ERBB3: variants seen among roughly 807,000 people sequenced by gnomAD.
The protein encoded by ERBB3 is erb-b2 receptor tyrosine kinase 3, also known as receptor tyrosine-protein kinase erbB-3.
Under a neutral mutation model 156.7 loss-of-function variants are expected in ERBB3, and 96 were observed. The observed-to-expected ratio is 0.61, with a 90% CI of 0.52 to 0.73. The LOEUF is 0.73. Among genes scored for constraint, ERBB3 ranks in the 30% least tolerant of loss-of-function variants. The pLI, the probability that ERBB3 is intolerant of heterozygous loss-of-function variation, is 0.00. For missense variants in ERBB3, 1,406 were observed against 1,709.4 expected (o/e 0.82, Z 3.13); for synonymous variants, 567 against 632.0 (o/e 0.90, Z 1.54).
Position 56,080,396 on chromosome 12 carries a change from G to A in ERBB3, c.82+14G>A. On this transcript the variant is annotated intron_variant, in intron 1 of 27. Transcript: ENST00000267101. ...ACTCTCAGGCAGGTAAGTGGCGCGAGAGCACCGGCGGGCTCGGCACCTGGG... is the reference window on the plus strand; with the variant it reads ...ACTCTCAGGCAGGTAAGTGGCGCGAAAGCACCGGCGGGCTCGGCACCTGGG... 1 of 1,579,706 alleles carries A rather than the reference G, an allele frequency of 6.3e-7. No homozygotes were observed. The highest frequency in any genetic ancestry group is 8.6e-7 in the Non-Finnish European group (1 of 1,160,772).
Position 56,101,380 on chromosome 12 carries a change from G to A in ERBB3, c.3502+19G>A, listed in dbSNP as rs371164238. The A allele has an allele frequency of 3.3e-5, 53 of 1,612,832 alleles. No individual in the cohort carries two copies. The highest frequency in any genetic ancestry group is 4.2e-5 in the Non-Finnish European group (49 of 1,179,486). ...CTCAAAGGTGCCTGACTCTTCCTAG[G>A]GCTTTCCTCAATTTTTCCTCGAATT... is the stretch of plus-strand genomic sequence containing the variant. On this transcript the variant is annotated intron_variant, in intron 27 of 27. Transcript: ENST00000267101.
At chr12:56,099,328 C>T (rs183578416) in intron 23 of ERBB3, among the ~76,000 whole-genome samples, 1 of 151,616 alleles carries the variant, frequency 6.6e-6, no homozygotes, top group Admixed American at 6.6e-5. Flanking sequence ...TATGGAGTCT[C>T]GCTCTGTTGC....
chr12:56,088,683 A>G (rs751623771), intron 8 of ERBB3, 27 bp downstream of exon 8: 2 of 1,614,086 alleles, frequency 1.2e-6, no homozygotes, highest in Admixed American at 1.7e-5. Context: ...AAGAAGTTGT[A>G]AAGAGACAGC....
chr12:56,087,327 G>A (rs2096062819), intron 4 of ERBB3, among the ~76,000 whole-genome samples: 1 of 152,110 alleles, frequency 6.6e-6, no homozygotes, highest in South Asian at 2.1e-4. Context: ...GTTGGGACTA[G>A]GACTAAGGTT....
Position 56,095,264 on chromosome 12 carries a change from G to T in ERBB3, c.1867G>T (p.Gly623Ter). 1 of 1,613,526 alleles carries T rather than the reference G, an allele frequency of 6.2e-7. No homozygotes were observed. Among genetic ancestry groups the T allele is most frequent in the Non-Finnish European group, 8.5e-7 (1 of 1,179,438 alleles). ...CHENCTQGCK[G>*]PELQDCLGQT... The stretch of plus-strand genomic sequence containing the variant: ...GGTGACTTTCTTCCCTAGGTGTAAA[G>T]GACCAGAGCTTCAAGACTGTTTAGG... The change falls in exon 16 of 28, where the codon GGA becomes TGA. Residue 623 changes from glycine to a stop codon, truncating the protein, a stop_gained. Coordinates refer to ENST00000267101, the MANE Select transcript of ERBB3 (RefSeq NM_001982.4). LOFTEE classifies it high-confidence loss of function.
chr12:56,097,714 T>G, intron 20 of ERBB3, 71 bp from the exon 21 acceptor site: 1 of 1,508,760 alleles, frequency 6.6e-7, no homozygotes, highest in Non-Finnish European at 9.2e-7. Context: ...CCTTCAAGAT[T>G]TGGGGGAATT....
rs755981274 is a variant in ERBB3, at chr12:56,094,517, AG to A, written c.1821del (p.Asn608MetfsTer23). ...KGPIYKYPDVQNECRPCHENC... is the reference protein window; with the variant it reads ...KGPIYKYPDVXNECRPCHENC... ...CCAATCTACAAGTACCCAGATGTTC[AG>A]AATGAATGTCGGCCCTGCCATGAGA... is the stretch of plus-strand genomic sequence containing the variant. On this transcript the variant is annotated frameshift_variant, in exon 15 of 28. Transcript: ENST00000267101. LOFTEE classifies it high-confidence loss of function. 6.2e-7 allele frequency: 1 copy of A among 1,614,196 alleles called. No individual in the cohort carries two copies. The highest frequency in any genetic ancestry group is 8.5e-7 in the Non-Finnish European group (1 of 1,180,038).
intron 9 of ERBB3, among the ~76,000 whole-genome samples, chr12:56,091,442 C>G (rs1868709324): frequency 8.6e-6 from 1 of 116,102 alleles, no homozygotes; most frequent in African/African-American, 3.3e-5. Context: ...GAGTCTCGCT[C>G]TTGTTGCCCA....
At chr12:56,096,989 T>A (rs1868910128) in intron 19 of ERBB3, 56 bp from the exon 20 acceptor site, 1 of 1,571,514 alleles carries the variant, frequency 6.4e-7, no homozygotes, top group Admixed American at 1.7e-5. Flanking sequence ...GCTGTGCACA[T>A]GCTGAGTGTA....
chr12:56,097,911 G>T lies in ERBB3; in HGVS notation c.2587G>T (p.Asp863Tyr). The T allele has an allele frequency of 6.2e-7, 1 of 1,613,736 alleles. No individual in the cohort carries two copies. The highest frequency in any genetic ancestry group is 8.5e-7 in the Non-Finnish European group (1 of 1,180,038). The change falls in exon 21 of 28, where the codon GAT becomes TAT. Residue 863 changes from aspartate (D) to tyrosine (Y), a missense_variant. This residue lies in a region of ERBB3 where 979 missense variants were observed against 1,219.6 expected (regional missense o/e 0.80). Transcript: ENST00000267101. ...FGVADLLPPD[D>Y]KQLLYSEAKT... ...TGTGGCTGACCTGCTGCCTCCTGATGATAAGCAGCTGCTATACAGTGAGGC... is the reference window on the plus strand; with the variant it reads ...TGTGGCTGACCTGCTGCCTCCTGATTATAAGCAGCTGCTATACAGTGAGGC...
intron 11 of ERBB3, 127 bp from the exon 12 acceptor site, chr12:56,093,218 A>C (rs1868773231): frequency 1.7e-6 from 2 of 1,159,684 alleles, no homozygotes; most frequent in African/African-American, 3.0e-5. Flanking sequence ...GGAAAAGGCA[A>C]AAGGAGGGGG....
rs2136824835 is a variant in ERBB3, at chr12:56,099,642, C to T, written c.2840-6C>T. On this transcript the variant is annotated splice_polypyrimidine_tract_variant and splice_region_variant and intron_variant, in intron 23 of 27. Transcript: ENST00000267101. ...TATGTCTCTACCTCCTACATCTTAT[C>T]TCCAGGTTGGATGATTGATGAGAAC... 6.2e-7 allele frequency: 1 copy of T among 1,611,870 alleles called. No homozygotes were observed. Among genetic ancestry groups the T allele is most frequent in the Non-Finnish European group, 8.5e-7 (1 of 1,178,212 alleles).
chr12:56,086,545 G>C lies in ERBB3; in HGVS notation c.436G>C (p.Gly146Arg). Residue 146 changes from glycine (G) to arginine (R), a missense_variant, in exon 4 of 28, where the codon GGT becomes CGT. This residue lies in a region of ERBB3 where 979 missense variants were observed against 1,219.6 expected (regional missense o/e 0.80). Transcript: ENST00000267101. Reference sequence around the variant, plus strand: ...CCCTACCTCAGAGATTCTGTCAGGGGGTGTTTATATTGAGAAGAACGATAA... The same window carrying C: ...CCCTACCTCAGAGATTCTGTCAGGGCGTGTTTATATTGAGAAGAACGATAA... ...LTQLTEILSGGVYIEKNDKLC... is the reference protein window; with the variant it reads ...LTQLTEILSGRVYIEKNDKLC... 1.2e-6 allele frequency: 2 copies of C among 1,614,120 alleles called. No individual in the cohort carries two copies. The highest frequency in any genetic ancestry group is 1.7e-6 in the Non-Finnish European group (2 of 1,180,000).
At chr12:56,095,835 C>G in intron 17 of ERBB3, 29 bp downstream of exon 17, 1 of 1,613,682 alleles carries the variant, frequency 6.2e-7, no homozygotes, top group African/African-American at 1.3e-5. Context: ...TTTGTTTTTT[C>G]TTTTCTTTTT....
intron 12 of ERBB3, 25 bp downstream of exon 12, chr12:56,093,575 G>A (rs1252850362): frequency 6.2e-7 from 1 of 1,602,286 alleles, no homozygotes; most frequent in African/African-American, 1.3e-5. Context: ...CTGCTAGGTG[G>A]TGAGAATAGG....
In ERBB3 at chr12:56,088,160, C is replaced by T. The variant is rs767016749; in HGVS notation, c.872C>T (p.Pro291Leu). ...GGAGGAGTTTGTGTAGCCAGCTGTCCCCGTAAGTGTCTGAGGGGAAGGAAC... is the reference window on the plus strand; with the variant it reads ...GGAGGAGTTTGTGTAGCCAGCTGTCTCCGTAAGTGTCTGAGGGGAAGGAAC... ...QYGGVCVASCPHNFVVDQTSC... is the reference protein window; with the variant it reads ...QYGGVCVASCLHNFVVDQTSC... The change falls in exon 7 of 28, where the codon CCC becomes CTC. Residue 291 changes from proline to leucine, a missense_variant and splice_region_variant. Around this residue, in one of 3 missense-constraint regions of ERBB3, gnomAD observed 979 missense variants for 1,219.6 expected, o/e 0.80. Transcript: ENST00000267101. 1.9e-6 allele frequency: 3 copies of T among 1,614,070 alleles called. No individual in the cohort carries two copies. Among genetic ancestry groups the T allele is most frequent in the Non-Finnish European group, 2.5e-6 (3 of 1,179,984 alleles).
chr12:56,087,551 C>T (rs764145735), intron 4 of ERBB3, 26 bp from the exon 5 acceptor site: 3 of 1,605,754 alleles, frequency 1.9e-6, no homozygotes, highest in Non-Finnish European at 2.6e-6. Flanking sequence ...CTGATGGCCC[C>T]TTGTGTTGCC....
At chr12:56,096,073 C>A in intron 17 of ERBB3, 1 of 558,154 alleles carries the variant, frequency 1.8e-6, no homozygotes, top group Non-Finnish European at 3.2e-6. Context: ...GAAGAAGTTA[C>A]TTATCTTCTC....
intron 9 of ERBB3, among the ~76,000 whole-genome samples, chr12:56,091,266 T>TTATATATATATATATA (rs199547778): frequency 5.1e-4 from 22 of 43,418 alleles, no homozygotes; most frequent in African/African-American, 2.3e-3. Context: ...TTGGCTAATT[T>TTATATATATATATATA]TATATATATA....
Sources: gnomAD v4.1 joint callset for allele counts (sites outside exome capture counted in the v4.1 genomes callset) on GRCh38, gnomAD v4.1.1 for gene constraint, gnomAD v4.1.1 regional missense constraint, MANE v1.5 for transcripts, NCBI Gene and HGNC (gene_info 2026-07-23, HGNC 2026-07-21) for gene names.